Variants in DRC11 observed in about 807,000 individuals in gnomAD.
DRC11 encodes IQ and AAA domain-containing protein 1.
At chr2:236,428,653 C>A in the DRC11 span, among the ~76,000 whole-genome samples, 1 of 152,034 alleles carries the variant, frequency 6.6e-6, no homozygotes, top group African/African-American at 2.4e-5. Context: ...CTCTTGTATG[C>A]AGCATATAGT....
chr2:236,387,156 A>G, the DRC11 span, among the ~76,000 whole-genome samples: 1 of 149,982 alleles, frequency 6.7e-6, no homozygotes, highest in South Asian at 2.1e-4. Flanking sequence ...TGGGGTGGAG[A>G]GTTCTGTAGA....
At chr2:236,366,770 C>G in the DRC11 span, among the ~76,000 whole-genome samples, 1 of 147,650 alleles carries the variant, frequency 6.8e-6, no homozygotes, top group Admixed American at 6.7e-5. Context: ...TCTTTTATTC[C>G]CTCCCTCCCT....
chr2:236,504,966 T>A, the DRC11 span, among the ~76,000 whole-genome samples: 1 of 152,220 alleles, frequency 6.6e-6, no homozygotes, highest in Non-Finnish European at 1.5e-5. The surrounding 1 kb of genome is among the most constrained non-coding windows in gnomAD (Gnocchi z 5.0). Flanking sequence ...CAGTCTCGGG[T>A]ATGTCTTTAT....
the DRC11 span, among the ~76,000 whole-genome samples, chr2:236,342,898 A>G: frequency 6.6e-6 from 1 of 152,088 alleles, no homozygotes; most frequent in Non-Finnish European, 1.5e-5. The surrounding 1 kb of genome is among the most constrained non-coding windows in gnomAD (Gnocchi z 5.8). Context: ...TGACCTCCCC[A>G]ACACACGACG....
chr2:236,386,350 G>A, the DRC11 span, among the ~76,000 whole-genome samples: 2 of 152,094 alleles, frequency 1.3e-5, no homozygotes, highest in East Asian at 3.9e-4. Flanking sequence ...TCCTGTTATT[G>A]GTCTATTCAG....
At chr2:236,346,180 C>T in the DRC11 span, among the ~76,000 whole-genome samples, 5 of 152,258 alleles carry the variant, frequency 3.3e-5, no homozygotes, top group East Asian at 5.8e-4. Context: ...TAATCGTGAT[C>T]CCTGAGCCAG....
At chr2:236,507,191 A>C in the DRC11 span, 11 of 1,546,450 alleles carry the variant, frequency 7.1e-6, no homozygotes, top group Non-Finnish European at 8.9e-6. Context: ...AGAGAAGCAG[A>C]AAGCAAGCCA....
At chr2:236,360,448 G>A in the DRC11 span, among the ~76,000 whole-genome samples, 1 of 152,168 alleles carries the variant, frequency 6.6e-6, no homozygotes, top group Non-Finnish European at 1.5e-5. This position sits in a 1 kb window ranked among gnomAD's most constrained non-coding sequence, Gnocchi z 5.8. Flanking sequence ...ATATTTATGT[G>A]CTTCTGTCTG....
the DRC11 span, among the ~76,000 whole-genome samples, chr2:236,317,170 C>T: frequency 6.6e-6 from 1 of 152,090 alleles, no homozygotes; most frequent in African/African-American, 2.4e-5. This position sits in a 1 kb window ranked among gnomAD's most constrained non-coding sequence, Gnocchi z 5.4. Flanking sequence ...GTGGTGCACA[C>T]TTGTAGTCCC....
chr2:236,507,126 G>T, the DRC11 span: 12,332 of 839,794 alleles, frequency 0.015, 1,064 homozygotes, highest in African/African-American at 0.19. Flanking sequence ...GAAAAAAAGT[G>T]GGGGAGAGGA....
chr2:236,391,951 C>T, the DRC11 span: 16 of 1,600,824 alleles, frequency 1.0e-5, no homozygotes, highest in Non-Finnish European at 1.4e-5. The surrounding 1 kb of genome is among the most constrained non-coding windows in gnomAD (Gnocchi z 4.5). Context: ...CACCGCACCC[C>T]TCTGCAGGCT....
the DRC11 span, chr2:236,497,184 C>A: frequency 6.2e-7 from 1 of 1,611,068 alleles, no homozygotes. The surrounding 1 kb of genome is among the most constrained non-coding windows in gnomAD (Gnocchi z 5.1). Flanking sequence ...TGAGATCCTG[C>A]AGGATATCAT....
the DRC11 span, among the ~76,000 whole-genome samples, chr2:236,475,686 T>A: frequency 6.6e-6 from 1 of 152,132 alleles, no homozygotes; most frequent in African/African-American, 2.4e-5. The surrounding 1 kb of genome is among the most constrained non-coding windows in gnomAD (Gnocchi z 4.8). Flanking sequence ...TTCTCCACAT[T>A]CTTGCCGGAA....
At chr2:236,494,882 T>G in the DRC11 span, among the ~76,000 whole-genome samples, 1 of 152,100 alleles carries the variant, frequency 6.6e-6, no homozygotes, top group African/African-American at 2.4e-5. The surrounding 1 kb of genome is among the most constrained non-coding windows in gnomAD (Gnocchi z 4.2). Flanking sequence ...CAGAGTCTAG[T>G]GGGTGGGTGT....
the DRC11 span, among the ~76,000 whole-genome samples, chr2:236,437,155 T>C: frequency 1.4e-5 from 2 of 142,204 alleles, no homozygotes; most frequent in Non-Finnish European, 3.0e-5. Flanking sequence ...TGTGTTCTCA[T>C]TGTTCAATTC....
At chr2:236,354,606 C>T in the DRC11 span, among the ~76,000 whole-genome samples, 3 of 152,162 alleles carry the variant, frequency 2.0e-5, no homozygotes, top group Non-Finnish European at 4.4e-5. Flanking sequence ...TCCCAAGGTA[C>T]CTCCATCGCC....
the DRC11 span, chr2:236,486,965 T>G: frequency 7.9e-7 from 1 of 1,258,224 alleles, no homozygotes; most frequent in South Asian, 1.3e-5. The surrounding 1 kb of genome is among the most constrained non-coding windows in gnomAD (Gnocchi z 5.7). Flanking sequence ...GGCTTGCAGT[T>G]TCTCCCATAT....
At chr2:236,439,488 C>A in the DRC11 span, among the ~76,000 whole-genome samples, 1 of 152,182 alleles carries the variant, frequency 6.6e-6, no homozygotes, top group East Asian at 1.9e-4. Context: ...TTTATTGAGT[C>A]TTTTTATCCA....
the DRC11 span, among the ~76,000 whole-genome samples, chr2:236,328,932 G>A: frequency 2.0e-5 from 3 of 152,178 alleles, 1 homozygote; most frequent in East Asian, 5.8e-4. The surrounding 1 kb of genome is among the most constrained non-coding windows in gnomAD (Gnocchi z 6.7). Flanking sequence ...AACCTGGAAC[G>A]GGCCTCACTG....
Sources: allele counts gnomAD v4.1 joint callset (sites outside exome capture counted in the v4.1 genomes callset), GRCh38; gene constraint gnomAD v4.1.1; non-coding constraint Gnocchi (gnomAD v3.1); transcripts MANE v1.5; gene names NCBI Gene and HGNC (gene_info 2026-07-23, HGNC 2026-07-21).